CSGALNACT1: variants seen among roughly 807,000 people sequenced by gnomAD.
CSGALNACT1 encodes beta4GalNAcT-1.
In CSGALNACT1, 52 loss-of-function variants were observed where a neutral mutation model predicts 51.0. That is an observed-to-expected ratio of 1.02 (90% CI 0.82 to 1.29). The LOEUF (loss-of-function observed/expected upper bound fraction) is 1.29. Ranked by LOEUF, CSGALNACT1 falls within the 50% of genes most tolerant of loss-of-function variation. The probability of loss-of-function intolerance (pLI) is 0.00; values close to 1 mark genes in which losing one functional copy is unlikely to be tolerated. For synonymous variants in CSGALNACT1, 341 were observed against 254.4 expected, an observed-to-expected ratio of 1.34 and a Z score of -3.24; for missense variants, 935 against 679.2, an observed-to-expected ratio of 1.38 and a Z score of -4.19.
intron 1 of CSGALNACT1, among the ~76,000 whole-genome samples, chr8:19,699,561 TACTC>T: frequency 6.6e-6 from 1 of 152,320 alleles, no homozygotes; most frequent in South Asian, 2.1e-4. Flanking sequence ...TATATGATGT[TACTC>T]ACATGAGGTC....
At chr8:19,500,905 G>A (rs544378672) in intron 4 of CSGALNACT1, among the ~76,000 whole-genome samples, 91 of 152,296 alleles carry the variant, frequency 6.0e-4, no homozygotes, top group African/African-American at 2.0e-3. Flanking sequence ...TGTCTGGTAA[G>A]GGCTGTATCC....
chr8:19,739,286 T>G (rs2064167664), intron 1 of CSGALNACT1, among the ~76,000 whole-genome samples: 1 of 151,992 alleles, frequency 6.6e-6, no homozygotes, highest in Non-Finnish European at 1.5e-5. Flanking sequence ...CAAGTCAATG[T>G]ATGACATTGA....
chr8:19,567,338 C>A (rs1403757963), intron 3 of CSGALNACT1, among the ~76,000 whole-genome samples: 1 of 152,158 alleles, frequency 6.6e-6, no homozygotes, highest in Non-Finnish European at 1.5e-5. Context: ...AGCCTAGAAC[C>A]CAACCTAAGT....
chr8:19,608,172 T>C (rs530980860), intron 1 of CSGALNACT1, among the ~76,000 whole-genome samples: 1 of 152,288 alleles, frequency 6.6e-6, no homozygotes, highest in African/African-American at 2.4e-5. Flanking sequence ...TTCAGAAAAG[T>C]AAACTCACCC....
intron 1 of CSGALNACT1, among the ~76,000 whole-genome samples, chr8:19,708,191 T>C (rs2062291285): frequency 1.3e-5 from 2 of 152,290 alleles, no homozygotes; most frequent in African/African-American, 4.8e-5. Flanking sequence ...CCTGTTTTAT[T>C]TTGACATTCT....
intron 4 of CSGALNACT1, among the ~76,000 whole-genome samples, chr8:19,494,451 C>T (rs1184771103): frequency 1.3e-5 from 2 of 152,214 alleles, no homozygotes; most frequent in African/African-American, 4.8e-5. Flanking sequence ...ATACATGACC[C>T]TGTGCTGTCC....
intron 5 of CSGALNACT1, among the ~76,000 whole-genome samples, chr8:19,450,747 T>A (rs1295640873): frequency 6.6e-6 from 1 of 151,822 alleles, no homozygotes; most frequent in Non-Finnish European, 1.5e-5. Flanking sequence ...CAAGACTTTG[T>A]CTCTACAAAA....
At position 19,659,586 on chromosome 8, in the gene CSGALNACT1, T is replaced by C. The variant is rs1317018494; in HGVS notation, c.-544+22887A>G. ...TAAAAATATTTGAATTGAATCTGCC[T>C]GGATCACATAAGTTACCACGAAAGT... On this transcript the variant is annotated intron_variant, in intron 1 of 9. Coordinates refer to the CSGALNACT1 transcript ENST00000332246. 7.2e-5 allele frequency among the ~76,000 whole-genome samples: 11 copies of C among 152,260 alleles called. 1 individual carries two copies. Among genetic ancestry groups the C allele is most frequent in the Non-Finnish European group, 5.9e-5 (4 of 68,046 alleles).
chr8:19,577,225 G>T (rs915289972), intron 3 of CSGALNACT1, among the ~76,000 whole-genome samples: 2 of 152,034 alleles, frequency 1.3e-5, no homozygotes, highest in African/African-American at 4.8e-5. Flanking sequence ...TTCTCCACGC[G>T]ATACTAGCTC....
intron 4 of CSGALNACT1, among the ~76,000 whole-genome samples, chr8:19,471,212 C>T (rs920791042): frequency 6.6e-6 from 1 of 152,138 alleles, no homozygotes; most frequent in Admixed American, 6.5e-5. Flanking sequence ...AATGGGCATG[C>T]GTATCACTCA....
chr8:19,420,661 G>C (rs1250974024), intron 6 of CSGALNACT1, 143 bp from the exon 6 acceptor site: 1 of 843,628 alleles, frequency 1.2e-6, no homozygotes, highest in Non-Finnish European at 2.0e-6. Context: ...AGAAGTTACA[G>C]AACGGCCCAG....
Position 19,538,914 on chromosome 8 carries a change from G to A in CSGALNACT1, c.-296-32784C>T, listed in dbSNP as rs183903150. ...TGTGTCCATTTGCTCTGCCTGGACC[G>A]CTCATCCTGAGATGTTGTCCCTCCT... On this transcript the variant is annotated intron_variant, in intron 3 of 9. Coordinates refer to ENST00000454498, the Ensembl canonical transcript of CSGALNACT1. 9.7e-4 allele frequency among the ~76,000 whole-genome samples: 148 copies of A among 152,230 alleles called. 1 individual carries two copies. The highest frequency in any genetic ancestry group is 3.4e-3 in the African/African-American group (140 of 41,556).
At chr8:19,534,852 G>C (rs1451218185) in intron 3 of CSGALNACT1, among the ~76,000 whole-genome samples, 2 of 152,088 alleles carry the variant, frequency 1.3e-5, no homozygotes, top group East Asian at 1.9e-4. Context: ...AGTCAAGTGG[G>C]GAGTTTGTAA....
chr8:19,616,678 C>T (rs947358843), intron 1 of CSGALNACT1, among the ~76,000 whole-genome samples: 1 of 151,126 alleles, frequency 6.6e-6, no homozygotes, highest in Non-Finnish European at 1.5e-5. Flanking sequence ...TACCTCCCCC[C>T]TCATTCTCTC....
chr8:19,603,021 CAT>C (rs1173541784), upstream of CSGALNACT1, among the ~76,000 whole-genome samples: 1 of 140,442 alleles, frequency 7.1e-6, no homozygotes, highest in African/African-American at 2.6e-5. Context: ...TATATACAAA[CAT>C]ACAATTTGCT....
At chr8:19,736,253 A>T (rs995861732) in intron 1 of CSGALNACT1, among the ~76,000 whole-genome samples, 1 of 152,192 alleles carries the variant, frequency 6.6e-6, no homozygotes, top group African/African-American at 2.4e-5. Context: ...AAGTTTTATT[A>T]GAATATCATT....
chr8:19,626,801 T>C (rs534856888), intron 1 of CSGALNACT1, among the ~76,000 whole-genome samples: 94 of 152,282 alleles, frequency 6.2e-4, no homozygotes, highest in African/African-American at 2.0e-3. Context: ...ATATGGGTGG[T>C]GAGTAAGTAC....
intron 3 of CSGALNACT1, among the ~76,000 whole-genome samples, chr8:19,526,583 AAAT>A (rs1412316574): frequency 2.0e-5 from 3 of 152,212 alleles, no homozygotes; most frequent in South Asian, 4.1e-4. Context: ...CTCTGTTTCA[AAAT>A]AATAATAATA....
intron 3 of CSGALNACT1, among the ~76,000 whole-genome samples, chr8:19,507,612 C>T (rs939694621): frequency 2.7e-5 from 4 of 146,602 alleles, no homozygotes; most frequent in African/African-American, 1.0e-4. Context: ...TTTAATGAAA[C>T]CTTCCTAAAT....
Sources: gnomAD v4.1 joint callset for allele counts (sites outside exome capture counted in the v4.1 genomes callset) on GRCh38, gnomAD v4.1.1 for gene constraint, MANE v1.5 for transcripts, NCBI Gene and HGNC (gene_info 2026-07-23, HGNC 2026-07-21) for gene names.